The following AGMO variants were observed in gnomAD, a reference collection of about 807,000 sequenced individuals.
AGMO encodes the protein glyceryl-ether monooxygenase.
Under a neutral mutation model 60.2 loss-of-function variants are expected in AGMO, and 75 were observed. The ratio of observed to expected loss-of-function variants is 1.25; its 90% CI spans 1.03 to 1.51. The LOEUF (loss-of-function observed/expected upper bound fraction) is 1.51, where lower values mean the gene tolerates loss of function less well. Ranked by LOEUF, AGMO falls within the 40% of genes most tolerant of loss-of-function variation. The pLI is 0.00. For missense variants in AGMO, 763 were observed against 525.5 expected (o/e 1.45, Z -4.42); for synonymous variants, 261 against 177.1 (o/e 1.47, Z -3.76).
At chr7:15,432,379 T>TATATATATATATATATATATACAC (rs373845365) in intron 3 of AGMO, among the ~76,000 whole-genome samples, 5 of 136,188 alleles carry the variant, frequency 3.7e-5, no homozygotes, top group African/African-American at 1.4e-4. Context: ...CATATATATA[T>TATATATATATATATATATATACAC]ACACTATCTG....
chr7:15,223,966 G>A (rs6966845), intron 12 of AGMO, among the ~76,000 whole-genome samples: 49,422 of 151,904 alleles, frequency 0.33, 12,054 homozygotes, highest in African/African-American at 0.69. Flanking sequence ...AGGCTATCAA[G>A]TAAAAACTTT....
At chr7:15,419,397 A>T (rs2128494527) in intron 4 of AGMO, among the ~76,000 whole-genome samples, 1 of 152,124 alleles carries the variant, frequency 6.6e-6, no homozygotes, top group South Asian at 2.1e-4. Context: ...GAAACATTTT[A>T]TTAAATGAGA....
chr7:15,212,506 G>A (rs1781623107), intron 12 of AGMO, among the ~76,000 whole-genome samples: 1 of 151,576 alleles, frequency 6.6e-6, no homozygotes. Context: ...AAATCTTCAG[G>A]TAGAATTATC....
intron 12 of AGMO, among the ~76,000 whole-genome samples, chr7:15,343,946 CAATAAT>C (rs368518418): frequency 2.0e-5 from 3 of 152,022 alleles, no homozygotes; most frequent in Admixed American, 1.3e-4. Flanking sequence ...ATTTAGAAAA[CAATAAT>C]AATATTTTCC....
chr7:15,546,699 G>T (rs11508468), intron 2 of AGMO, among the ~76,000 whole-genome samples: 1 of 152,150 alleles, frequency 6.6e-6, no homozygotes, highest in Non-Finnish European at 1.5e-5. Context: ...AAGTGTTGTG[G>T]AAACTCCAAG....
At chr7:15,405,833 A>T (rs983271210) in intron 5 of AGMO, among the ~76,000 whole-genome samples, 1 of 151,542 alleles carries the variant, frequency 6.6e-6, no homozygotes, top group Non-Finnish European at 1.5e-5. Flanking sequence ...CAAAGCAGTA[A>T]ACAAGCTGGA....
At chr7:15,336,200 T>C (rs1481072682) in intron 12 of AGMO, among the ~76,000 whole-genome samples, 4 of 152,092 alleles carry the variant, frequency 2.6e-5, no homozygotes, top group Admixed American at 6.6e-5. Flanking sequence ...TCAATTTCAA[T>C]TTATAGCACA....
At chr7:15,372,402 GGCAAGATCATGCCATT>G (rs1783256368) in intron 10 of AGMO, among the ~76,000 whole-genome samples, 1 of 152,158 alleles carries the variant, frequency 6.6e-6, no homozygotes, top group Non-Finnish European at 1.5e-5. Context: ...GTTGCAGTGA[GGCAAGATCATGCCATT>G]GCACTCCAGC....
At chr7:15,443,321 C>T (rs1369866950) in intron 3 of AGMO, among the ~76,000 whole-genome samples, 1 of 152,128 alleles carries the variant, frequency 6.6e-6, no homozygotes, top group Non-Finnish European at 1.5e-5. Flanking sequence ...GGGGTTGGAG[C>T]CCCACAGCCT....
the AGMO span, among the ~76,000 whole-genome samples, chr7:15,191,047 T>G: frequency 6.6e-6 from 1 of 152,166 alleles, no homozygotes; most frequent in Admixed American, 6.6e-5. Flanking sequence ...AATTAATGGA[T>G]TACTTACTAT....
At chr7:15,425,630 G>C (rs984506417) in intron 4 of AGMO, among the ~76,000 whole-genome samples, 11 of 151,914 alleles carry the variant, frequency 7.2e-5, no homozygotes, top group African/African-American at 2.7e-4. Flanking sequence ...TGTAGAGACA[G>C]CATCTTGTGA....
chr7:15,213,517 T>C (rs1357789038), intron 12 of AGMO, among the ~76,000 whole-genome samples: 1 of 151,930 alleles, frequency 6.6e-6, no homozygotes, highest in Non-Finnish European at 1.5e-5. Flanking sequence ...ATCAGAAATA[T>C]TGGTTCTTGT....
At chr7:15,329,139 T>G (rs1360545911) in intron 12 of AGMO, among the ~76,000 whole-genome samples, 1 of 152,170 alleles carries the variant, frequency 6.6e-6, no homozygotes, top group African/African-American at 2.4e-5. Context: ...ACTGTATATT[T>G]TATTAACTTA....
intron 12 of AGMO, among the ~76,000 whole-genome samples, chr7:15,262,799 T>G (rs1783312622): frequency 6.6e-6 from 1 of 152,172 alleles, no homozygotes; most frequent in South Asian, 2.1e-4. Context: ...CCAACTGATC[T>G]TCGACAAAGC....
the AGMO span, among the ~76,000 whole-genome samples, chr7:15,122,365 C>T: frequency 1.3e-5 from 2 of 152,112 alleles, no homozygotes; most frequent in Non-Finnish European, 2.9e-5. Context: ...TCTGTATCTG[C>T]AGTCACCGTC....
the AGMO span, among the ~76,000 whole-genome samples, chr7:15,190,095 TTA>T: frequency 4.3e-3 from 8 of 1,864 alleles, no homozygotes; most frequent in Non-Finnish European, 0.01. Context: ...ATATATATAT[TTA>T]TATATATATA....
chr7:15,439,266 G>A (rs1448937432), intron 3 of AGMO, among the ~76,000 whole-genome samples: 3 of 152,098 alleles, frequency 2.0e-5, no homozygotes, highest in Non-Finnish European at 4.4e-5. Flanking sequence ...GCGTGGTGGT[G>A]CACACCTGTA....
chr7:15,118,977 T>G, the AGMO span, among the ~76,000 whole-genome samples: 24 of 123,396 alleles, frequency 1.9e-4, no homozygotes, highest in East Asian at 5.8e-3. Context: ...AACACAGAAT[T>G]AAGCTATTGG....
At chr7:15,533,605 A>T (rs955308606) in intron 3 of AGMO, among the ~76,000 whole-genome samples, 2 of 151,948 alleles carry the variant, frequency 1.3e-5, no homozygotes, top group Non-Finnish European at 2.9e-5. Context: ...TTAGAGTCAG[A>T]TTTTTTCCTG....
Sources: gnomAD v4.1 joint callset for allele counts (sites outside exome capture counted in the v4.1 genomes callset) on GRCh38, gnomAD v4.1.1 for gene constraint, MANE v1.5 for transcripts, NCBI Gene and HGNC (gene_info 2026-07-23, HGNC 2026-07-21) for gene names.